TTC29: variants seen among roughly 807,000 people sequenced by gnomAD.
TTC29 encodes tetratricopeptide repeat protein 29.
A neutral mutation model predicts 58.1 loss-of-function variants in TTC29; 49 were observed. The observed-to-expected ratio is 0.84, with a 90% CI of 0.67 to 1.07. The LOEUF (loss-of-function observed/expected upper bound fraction) is 1.07. Ranked by LOEUF, TTC29 falls within the 50% of genes least tolerant of loss-of-function variation. The pLI is 0.00. For missense variants in TTC29, 582 were observed against 555.6 expected, an observed-to-expected ratio of 1.05 and a Z score of -0.48; for synonymous variants, 209 against 196.8, an observed-to-expected ratio of 1.06 and a Z score of -0.52.
intron 11 of TTC29, among the ~76,000 whole-genome samples, chr4:146,755,782 G>A (rs897879155): frequency 6.6e-6 from 1 of 151,622 alleles, no homozygotes; most frequent in Non-Finnish European, 1.5e-5. Context: ...TAAAAAATTA[G>A]GGTTCTGTAT....
chr4:146,933,450 T>C (rs1434899375), intron 4 of TTC29, among the ~76,000 whole-genome samples: 1 of 152,214 alleles, frequency 6.6e-6, no homozygotes, highest in Admixed American at 6.5e-5. Context: ...TATGATATGA[T>C]AATAAGTGAT....
chr4:146,867,988 C>T (rs1730676899), intron 7 of TTC29, among the ~76,000 whole-genome samples: 1 of 152,216 alleles, frequency 6.6e-6, no homozygotes, highest in South Asian at 2.1e-4. Flanking sequence ...CTGCTACATA[C>T]ATAAAACAAC....
chr4:146,870,119 G>C (rs1730836732), intron 7 of TTC29, among the ~76,000 whole-genome samples: 1 of 152,044 alleles, frequency 6.6e-6, no homozygotes, highest in Admixed American at 6.6e-5. Flanking sequence ...GACAAAGCAG[G>C]TTTCAATATT....
At chr4:146,712,793 T>C (rs1742606501) in intron 11 of TTC29, among the ~76,000 whole-genome samples, 1 of 152,074 alleles carries the variant, frequency 6.6e-6, no homozygotes, top group Non-Finnish European at 1.5e-5. Context: ...CATGCCATTA[T>C]CATCTCTGGG....
At chr4:146,910,334 A>G (rs1247533158) in intron 4 of TTC29, among the ~76,000 whole-genome samples, 1 of 152,118 alleles carries the variant, frequency 6.6e-6, no homozygotes, top group East Asian at 1.9e-4. Flanking sequence ...ACTCTGGGAA[A>G]TGTGAAATCT....
intron 6 of TTC29, among the ~76,000 whole-genome samples, chr4:146,900,620 T>G (rs886912702): frequency 6.6e-6 from 1 of 152,214 alleles, no homozygotes; most frequent in Admixed American, 6.5e-5. Flanking sequence ...GATGAATGAA[T>G]AAATAAATTG....
intron 10 of TTC29, among the ~76,000 whole-genome samples, chr4:146,815,101 G>T (rs968007249): frequency 6.6e-6 from 1 of 152,048 alleles, no homozygotes; most frequent in Non-Finnish European, 1.5e-5. Flanking sequence ...CAGAGAAATC[G>T]CATTTTACAT....
intron 10 of TTC29, 92 bp downstream of exon 10, chr4:146,820,033 G>T: frequency 6.6e-7 from 1 of 1,518,406 alleles, no homozygotes; most frequent in Non-Finnish European, 9.0e-7. Flanking sequence ...ATTGTGGGAA[G>T]ACAAGGATGA....
At chr4:146,937,377 C>T (rs1735924027) in intron 4 of TTC29, among the ~76,000 whole-genome samples, 1 of 151,862 alleles carries the variant, frequency 6.6e-6, no homozygotes, top group African/African-American at 2.4e-5. Context: ...AGTATAATAT[C>T]TTGGTAAATA....
At chr4:146,857,512 G>C (rs190852743) in intron 8 of TTC29, among the ~76,000 whole-genome samples, 9 of 152,110 alleles carry the variant, frequency 5.9e-5, no homozygotes, top group Non-Finnish European at 8.8e-5. Context: ...GCTGAGTGGC[G>C]AGCCCTCTTT....
intron 11 of TTC29, among the ~76,000 whole-genome samples, chr4:146,781,672 T>C (rs1748617955): frequency 6.6e-6 from 1 of 152,000 alleles, no homozygotes; most frequent in African/African-American, 2.4e-5. Flanking sequence ...TAAGGCTCAC[T>C]AACATACTAT....
chr4:146,805,473 G>A (rs1750534526), intron 10 of TTC29, among the ~76,000 whole-genome samples: 1 of 151,952 alleles, frequency 6.6e-6, no homozygotes, highest in Admixed American at 6.6e-5. Context: ...CCAATTCAAG[G>A]AAGCTAAGAA....
chr4:146,870,421 C>A (rs1730856272), intron 7 of TTC29, among the ~76,000 whole-genome samples: 2 of 151,494 alleles, frequency 1.3e-5, no homozygotes, highest in African/African-American at 2.4e-5. Flanking sequence ...TTCTTTCCAC[C>A]TTATAAAACT....
rs183420982 is a variant in TTC29, at chr4:146,931,464, T to C, written c.176+6130A>G. On this transcript the variant is annotated intron_variant, in intron 4 of 12. Coordinates refer to ENST00000325106, the MANE Select transcript of TTC29 (RefSeq NM_031956.4). ...GAGTGTCGTCTACACGTGTTTCATA[T>C]AGAGAATCTCATTTACTTCTTGTAA... Among the ~76,000 whole-genome samples the C allele has an allele frequency of 5.3e-3, 805 of 152,340 alleles. 5 individuals are homozygous for C. Among genetic ancestry groups the C allele is most frequent in the African/African-American group, 0.018 (732 of 41,580 alleles).
At chr4:146,718,493 C>T (rs1429731574) in intron 11 of TTC29, among the ~76,000 whole-genome samples, 1 of 152,086 alleles carries the variant, frequency 6.6e-6, no homozygotes, top group Non-Finnish European at 1.5e-5. Flanking sequence ...TGTCTGTTCG[C>T]CACTTATGTC....
intron 4 of TTC29, among the ~76,000 whole-genome samples, chr4:146,930,215 A>C (rs1307371795): frequency 6.6e-6 from 1 of 150,560 alleles, no homozygotes; most frequent in African/African-American, 2.4e-5. Context: ...ACAAACATGA[A>C]GTTTTAAAAG....
chr4:146,776,889 G>A (rs887920018), intron 11 of TTC29, among the ~76,000 whole-genome samples: 4 of 152,240 alleles, frequency 2.6e-5, no homozygotes, highest in Non-Finnish European at 5.9e-5. Flanking sequence ...TAGCAGCAGT[G>A]GGAGTGGGGT....
chr4:146,776,454 CTTTT>C (rs1748102031), intron 11 of TTC29, among the ~76,000 whole-genome samples: 1 of 136,108 alleles, frequency 7.3e-6, no homozygotes, highest in Non-Finnish European at 1.6e-5. Flanking sequence ...TTTTTTTTTT[CTTTT>C]ATCTTCTTTG....
At chr4:146,864,561 T>TAATAGAAATAATAGAAGAGAA (rs1730448016) in intron 8 of TTC29, among the ~76,000 whole-genome samples, 1 of 152,158 alleles carries the variant, frequency 6.6e-6, no homozygotes, top group Admixed American at 6.5e-5. Flanking sequence ...ATAATAGAAA[T>TAATAGAAATAATAGAAGAGAA]ATATTCTCTT....
Sources: gnomAD v4.1 joint callset for allele counts (sites outside exome capture counted in the v4.1 genomes callset) on GRCh38, gnomAD v4.1.1 for gene constraint, MANE v1.5 for transcripts, NCBI Gene and HGNC (gene_info 2026-07-23, HGNC 2026-07-21) for gene names.